CELF2: variants seen among roughly 807,000 people sequenced by gnomAD.
The protein encoded by CELF2 is CUG triplet repeat RNA-binding protein 2.
A neutral mutation model predicts 62.6 loss-of-function variants in CELF2; 8 were observed. The observed-to-expected ratio is 0.13, with a 90% CI of 0.07 to 0.23. The LOEUF (loss-of-function observed/expected upper bound fraction) is 0.23, where lower values mean the gene tolerates loss of function less well. Ranked by LOEUF, CELF2 falls within the 10% of genes least tolerant of loss-of-function variation. The pLI, the probability that CELF2 is intolerant of heterozygous loss-of-function variation, is 1.00. For missense variants in CELF2, 333 were observed against 671.0 expected, an observed-to-expected ratio of 0.50 and a Z score of 5.56; for synonymous variants, 258 against 250.0, an observed-to-expected ratio of 1.03 and a Z score of -0.30.
At chr10:11,055,401 G>A (rs1427640207) in intron 1 of CELF2, among the ~76,000 whole-genome samples, 1 of 152,146 alleles carries the variant, frequency 6.6e-6, no homozygotes, top group African/African-American at 2.4e-5. Context: ...GAAAAACTGA[G>A]AGAAAGAATA....
At chr10:11,170,642 G>A (rs1314430084) in intron 2 of CELF2, among the ~76,000 whole-genome samples, 5 of 152,106 alleles carry the variant, frequency 3.3e-5, no homozygotes, top group Admixed American at 3.3e-4. Flanking sequence ...AAGGAAGCCG[G>A]CAATGCTGAA....
the CELF2 span, among the ~76,000 whole-genome samples, chr10:10,725,821 C>T: frequency 0.23 from 34,370 of 151,728 alleles, 4,453 homozygotes; most frequent in South Asian, 0.43. Flanking sequence ...CCTTCCTTCC[C>T]TTATTTATTT....
chr10:11,228,718 C>CAAAAAAAAAAAA (rs56167230), intron 3 of CELF2, among the ~76,000 whole-genome samples: 1 of 135,166 alleles, frequency 7.4e-6, no homozygotes, highest in African/African-American at 2.9e-5. Context: ...GCGCCCCTCG[C>CAAAAAAAAAAAA]AAAAAAAAAA....
At chr10:10,904,196 C>A (rs1002394042) in intron 1 of CELF2, among the ~76,000 whole-genome samples, 2 of 151,674 alleles carry the variant, frequency 1.3e-5, no homozygotes, top group South Asian at 4.2e-4. Context: ...ATTTTTATCA[C>A]GCAATATGCC....
In CELF2 at chr10:11,290,680, G is replaced by T. The variant is rs925538269; in HGVS notation, c.976+2128G>T. 6.6e-6 allele frequency among the ~76,000 whole-genome samples: 1 copy of T among 152,186 alleles called. No homozygotes were observed. The highest frequency in any genetic ancestry group is 6.5e-5 in the Admixed American group (1 of 15,288). ...TGTGGGATGAGCCTTCCTCCCTGCT[G>T]GAGTCAAAACCACACCAGCGCAGCG... is the stretch of plus-strand genomic sequence containing the variant. On this transcript the variant is annotated intron_variant, in intron 9 of 12. Coordinates refer to ENST00000633077, the MANE Select transcript of CELF2 (RefSeq NM_001326342.2). This position sits in a 1 kb window ranked among gnomAD's most constrained non-coding sequence, Gnocchi z 4.3.
In CELF2 at chr10:11,328,758, CCAT is replaced by C. The variant is rs542490107; in HGVS notation, c.1439-163_1439-161del. ...TCCACAGCTGCTCAGTGGGCACGCC[CCAT>C]CATCCACTCACGGTGGACTCACGAT... is the stretch of plus-strand genomic sequence containing the variant. On this transcript the variant is annotated intron_variant, in intron 12 of 12. Coordinates refer to ENST00000633077, the MANE Select transcript of CELF2 (RefSeq NM_001326342.2). This position sits in a 1 kb window ranked among gnomAD's most constrained non-coding sequence, Gnocchi z 6.4. 5.8e-3 allele frequency among the ~76,000 whole-genome samples: 880 copies of C among 152,286 alleles called. 7 individuals are homozygous for C. The highest frequency in any genetic ancestry group is 0.02 in the African/African-American group (827 of 41,546).
In CELF2 at chr10:11,316,215, T is replaced by G. The variant is rs559834482; in HGVS notation, c.1096+1957T>G. ...TTTGCTTTTTAAAATTCTTTGCCAA[T>G]GGGTTAATATAAGTCTGTATAGTTC... is the stretch of plus-strand genomic sequence containing the variant. On this transcript the variant is annotated intron_variant, in intron 10 of 12. Coordinates refer to ENST00000633077, the MANE Select transcript of CELF2 (RefSeq NM_001326342.2). The surrounding 1 kb of genome is among the most constrained non-coding windows in gnomAD (Gnocchi z 4.4). Among the ~76,000 whole-genome samples the G allele has an allele frequency of 7.2e-5, 11 of 152,268 alleles. No homozygotes were observed. Among genetic ancestry groups the G allele is most frequent in the Non-Finnish European group, 1.6e-4 (11 of 68,050 alleles).
chr10:11,173,239 T>C (rs983564528), intron 2 of CELF2, among the ~76,000 whole-genome samples: 6 of 152,178 alleles, frequency 3.9e-5, no homozygotes, highest in African/African-American at 1.4e-4. Context: ...ACAAGTCCAG[T>C]TTCCTGGCCA....
the CELF2 span, among the ~76,000 whole-genome samples, chr10:10,468,351 C>G: frequency 6.6e-6 from 1 of 152,046 alleles, no homozygotes; most frequent in Non-Finnish European, 1.5e-5. Context: ...AATTGGACCA[C>G]TTTCACCTCC....
At chr10:11,272,344 G>A (rs2084130974) in intron 7 of CELF2, among the ~76,000 whole-genome samples, 1 of 152,222 alleles carries the variant, frequency 6.6e-6, no homozygotes, top group Non-Finnish European at 1.5e-5. Flanking sequence ...AGTCTAGCTT[G>A]ACTATGATTT....
chr10:10,632,576 A>AT, the CELF2 span, among the ~76,000 whole-genome samples: 5 of 152,206 alleles, frequency 3.3e-5, no homozygotes, highest in South Asian at 4.2e-4. Context: ...TCAAGGTCCA[A>AT]TTTTTTTGTT....
At position 11,297,790 on chromosome 10, in the gene CELF2, G is replaced by C. The variant is rs61231995; in HGVS notation, c.976+9238G>C. Among the ~76,000 whole-genome samples the C allele has an allele frequency of 0.054, 8,241 of 152,222 alleles. 319 individuals are homozygous for C. The highest frequency in any genetic ancestry group is 0.11 in the African/African-American group (4,607 of 41,520). On this transcript the variant is annotated intron_variant, in intron 9 of 12. Transcript: ENST00000633077. The surrounding 1 kb of genome is among the most constrained non-coding windows in gnomAD (Gnocchi z 4.4). ...GAGGCCAGGAGTTTGAGACCAGCCT[G>C]GCCAACATGGTGAAACCCTGTCTAT...
intron 1 of CELF2, among the ~76,000 whole-genome samples, chr10:11,107,114 C>T (rs2053709289): frequency 6.6e-6 from 1 of 152,222 alleles, no homozygotes; most frequent in Non-Finnish European, 1.5e-5. Context: ...CCGGTTTCCT[C>T]AGCGGCTCAG....
intron 1 of CELF2, among the ~76,000 whole-genome samples, chr10:11,151,673 A>G (rs17149643): frequency 0.056 from 8,479 of 152,256 alleles, 271 homozygotes; most frequent in African/African-American, 0.089. Flanking sequence ...CTTGAACTAA[A>G]AGGAGGAATG....
At chr10:10,911,613 C>T (rs540920253) in intron 1 of CELF2, among the ~76,000 whole-genome samples, 8 of 152,364 alleles carry the variant, frequency 5.3e-5, no homozygotes, top group Admixed American at 2.0e-4. Flanking sequence ...CCGGTTTCCC[C>T]ACGGCAGCGC....
the CELF2 span, among the ~76,000 whole-genome samples, chr10:10,705,669 C>G: frequency 6.6e-6 from 1 of 152,110 alleles, no homozygotes; most frequent in Non-Finnish European, 1.5e-5. Context: ...CTTGGATGTC[C>G]CCTGTCACTG....
chr10:10,535,731 C>CAAACAA, the CELF2 span, among the ~76,000 whole-genome samples: 1 of 151,940 alleles, frequency 6.6e-6, no homozygotes, highest in African/African-American at 2.4e-5. Flanking sequence ...CAAAAACAAA[C>CAAACAA]AAACAAAAAC....
At chr10:10,610,162 T>C in the CELF2 span, among the ~76,000 whole-genome samples, 1 of 152,204 alleles carries the variant, frequency 6.6e-6, no homozygotes, top group Non-Finnish European at 1.5e-5. Context: ...CAGTAACACA[T>C]TGAGCCTTGC....
In CELF2 at chr10:11,237,487, G is replaced by A. The variant is rs547511839; in HGVS notation, c.355-11666G>A. ...GTAAGAGATCAGGGTGGACAGAGTC[G>A]AGCCCTGCAAAGAGGCTCAGAAGAT... is the stretch of plus-strand genomic sequence containing the variant. On this transcript the variant is annotated intron_variant, in intron 3 of 12. Transcript: ENST00000633077. This position sits in a 1 kb window ranked among gnomAD's most constrained non-coding sequence, Gnocchi z 4.0. Among the ~76,000 whole-genome samples the A allele has an allele frequency of 1.3e-5, 2 of 152,142 alleles. No individual in the cohort carries two copies. The highest frequency in any genetic ancestry group is 4.8e-5 in the African/African-American group (2 of 41,400).
Sources: gnomAD v4.1 joint callset for allele counts (sites outside exome capture counted in the v4.1 genomes callset) on GRCh38, gnomAD v4.1.1 for gene constraint, Gnocchi (gnomAD v3.1) non-coding constraint, MANE v1.5 for transcripts, NCBI Gene and HGNC (gene_info 2026-07-23, HGNC 2026-07-21) for gene names.